The following COL9A3 variants were observed in gnomAD, a reference collection of about 807,000 sequenced individuals.
COL9A3 encodes collagen type IX alpha 3 chain.
Under a neutral mutation model 110.2 loss-of-function variants are expected in COL9A3, and 82 were observed. The ratio of observed to expected loss-of-function variants is 0.74; its 90% CI spans 0.62 to 0.89. The LOEUF is 0.89. COL9A3 is among the 40% of genes least tolerant of loss of function. The pLI is 0.00. For missense variants in COL9A3, 1,066 were observed against 981.3 expected (o/e 1.09, Z -1.15); for synonymous variants, 494 against 403.8 (o/e 1.22, Z -2.68).
rs769746194 is a variant in COL9A3, at chr20:62,829,753, C to T, written c.1108-13C>T. 1 of 1,591,886 alleles carries T rather than the reference C, an allele frequency of 6.3e-7. No homozygotes were observed. The highest frequency in any genetic ancestry group is 1.1e-5 in the South Asian group (1 of 87,678). ...CAGACCCTGCCCTGACACCCTCCTT[C>T]CTTTCCCTGTAGGGAGATGCTGGCA... On this transcript the variant is annotated splice_polypyrimidine_tract_variant and intron_variant, in intron 21 of 31. Transcript: ENST00000649368.
At chr20:62,832,755 T>G in intron 25 of COL9A3, 1 of 275,034 alleles carries the variant, frequency 3.6e-6, no homozygotes, top group Non-Finnish European at 5.8e-6. Context: ...CCTGCAGCCA[T>G]CGAACCCCCA....
In COL9A3 at chr20:62,818,010, C is replaced by T. The variant is rs1990991764; in HGVS notation, c.147+375C>T. On this transcript the variant is annotated intron_variant, in intron 2 of 31. Coordinates refer to ENST00000649368, the MANE Select transcript of COL9A3 (RefSeq NM_001853.4). ...GAGGCTGCTGGGCTCTGGAGCCAGC[C>T]ATGGAGGGGGCTTAGGAGCCGACTC... 5 of 366,902 alleles carry T rather than the reference C, an allele frequency of 1.4e-5. 1 individual carries two copies. Among genetic ancestry groups the T allele is most frequent in the African/African-American group, 1.0e-4 (5 of 47,992 alleles). 22.7% of individuals were successfully genotyped at this position (366,902 alleles called of 1,614,324 possible).
intron 14 of COL9A3, among the ~76,000 whole-genome samples, chr20:62,826,474 G>GACA (rs2063553828): frequency 6.6e-6 from 1 of 152,128 alleles, no homozygotes; most frequent in Non-Finnish European, 1.5e-5. Context: ...GCCCGCACGC[G>GACA]GTCCCAGGCT....
At chr20:62,830,622 AC>A (rs1797775758) in intron 24 of COL9A3, 34 bp downstream of exon 24, 1 of 1,399,964 alleles carries the variant, frequency 7.1e-7, no homozygotes, top group Non-Finnish European at 9.5e-7. Context: ...GCTCCCCTGC[AC>A]CCCCTCTACC....
At chr20:62,821,963 A>G in intron 8 of COL9A3, 148 bp from the exon 9 acceptor site, 1 of 760,460 alleles carries the variant, frequency 1.3e-6, no homozygotes, top group East Asian at 2.6e-5. Flanking sequence ...CCAATGATCC[A>G]GACCCGACCT....
At chr20:62,819,039 G>A (rs1037908187) in intron 3 of COL9A3, among the ~76,000 whole-genome samples, 183 bp from the exon 4 acceptor site, 2 of 152,232 alleles carry the variant, frequency 1.3e-5, no homozygotes, top group Non-Finnish European at 2.9e-5. Context: ...GCAAGGTGTG[G>A]GCAAGCAGGA....
At chr20:62,821,421 A>G (rs2147200076) in intron 6 of COL9A3, 86 bp from the exon 7 acceptor site, 1 of 1,573,124 alleles carries the variant, frequency 6.4e-7, no homozygotes, top group Admixed American at 1.7e-5. Flanking sequence ...CCCTTTCCCC[A>G]GGACCCACCT....
At chr20:62,830,445 G>GA in intron 23 of COL9A3, 32 bp downstream of exon 23, 1 of 1,577,796 alleles carries the variant, frequency 6.3e-7, no homozygotes. Flanking sequence ...GCCTGGCATG[G>GA]GGGGCGGCAC....
intron 26 of COL9A3, among the ~76,000 whole-genome samples, chr20:62,835,079 G>T (rs1488343285): frequency 6.6e-6 from 1 of 152,234 alleles, no homozygotes; most frequent in Non-Finnish European, 1.5e-5. Context: ...TCAGCTACTC[G>T]CACGGTCGGG....
intron 26 of COL9A3, among the ~76,000 whole-genome samples, chr20:62,835,206 A>G (rs952145819): frequency 6.6e-6 from 1 of 152,250 alleles, no homozygotes; most frequent in African/African-American, 2.4e-5. Flanking sequence ...CTGTAACAGA[A>G]CACCGCAGCT....
chr20:62,840,054 G>A (rs543679965), intron 31 of COL9A3, among the ~76,000 whole-genome samples: 151 of 151,786 alleles, frequency 9.9e-4, no homozygotes, highest in Middle Eastern at 3.4e-3. Context: ...CACCATGCCC[G>A]CACCATGCCC....
chr20:62,836,909 G>A (rs548915326), intron 29 of COL9A3, 174 bp from the exon 30 acceptor site: 2 of 899,140 alleles, frequency 2.2e-6, no homozygotes, highest in East Asian at 2.4e-5. Flanking sequence ...AAGGGGTTGG[G>A]GGTCCTTTCT....
intron 10 of COL9A3, among the ~76,000 whole-genome samples, chr20:62,824,074 C>T (rs536581697): frequency 2.2e-5 from 3 of 137,922 alleles, no homozygotes; most frequent in Admixed American, 7.3e-5. Flanking sequence ...TCCCGACACC[C>T]GCGCGGAGTG....
At chr20:62,818,405 T>G (rs747611972) in intron 2 of COL9A3, 113 bp from the exon 3 acceptor site, 16 of 1,043,420 alleles carry the variant, frequency 1.5e-5, no homozygotes, top group Non-Finnish European at 2.4e-5. Context: ...TTTTGTCTGC[T>G]GGGGCTGGGC....
At chr20:62,823,967 C>T (rs571662168) in intron 10 of COL9A3, among the ~76,000 whole-genome samples, 48 of 151,826 alleles carry the variant, frequency 3.2e-4, no homozygotes, top group Admixed American at 1.4e-3. Context: ...ATCACCTGTA[C>T]GGAGTGGCCT....
rs763272362 is a variant in COL9A3, at chr20:62,837,076, C to T, written c.1604-7C>T. On this transcript the variant is annotated splice_region_variant and splice_polypyrimidine_tract_variant and intron_variant, in intron 29 of 31. Transcript: ENST00000649368. Reference sequence around the variant, plus strand: ...GAGTAAACGCCTGCACCCTTGTTTTCCCAAAGAACAAATTGCACAGTTAGC... The same window carrying T: ...GAGTAAACGCCTGCACCCTTGTTTTTCCAAAGAACAAATTGCACAGTTAGC... 2 of 1,612,830 alleles carry T rather than the reference C, an allele frequency of 1.2e-6. No individual in the cohort carries two copies. The highest frequency in any genetic ancestry group is 1.7e-6 in the Non-Finnish European group (2 of 1,180,020).
chr20:62,824,333 G>T, intron 10 of COL9A3, 112 bp from the exon 11 acceptor site: 4 of 1,142,598 alleles, frequency 3.5e-6, no homozygotes, highest in Non-Finnish European at 5.1e-6. Flanking sequence ...GGCCTCCCGG[G>T]GTCCCGTCAC....
At chr20:62,830,644 AG>A in intron 24 of COL9A3, 56 bp downstream of exon 24, 1 of 854,610 alleles carries the variant, frequency 1.2e-6, no homozygotes, top group Non-Finnish European at 1.7e-6. Context: ...CATGTACCAC[AG>A]TCCCCCACCC....
At position 62,826,328 on chromosome 20, in the gene COL9A3, C is replaced by G. The variant is rs797019380; in HGVS notation, c.738+71C>G. ...CCTGGTTGTCTGCACCTCCAGACTT[C>G]AGATGGGCCCCGTGAGTGACACTCT... On this transcript the variant is annotated intron_variant, in intron 14 of 31. Transcript: ENST00000649368. 4 of 1,377,490 alleles carry G rather than the reference C, an allele frequency of 2.9e-6. No individual in the cohort carries two copies. The East Asian group carries it at 1.0e-4, about 34-fold the overall frequency. 85.3% of individuals were successfully genotyped at this position (1,377,490 alleles called of 1,614,324 possible). A position where few individuals can be genotyped will look rare whatever the true frequency, so the allele number is the denominator to read the frequency against.
Sources: gnomAD v4.1 joint callset for allele counts (sites outside exome capture counted in the v4.1 genomes callset) on GRCh38, gnomAD v4.1.1 for gene constraint, MANE v1.5 for transcripts, NCBI Gene and HGNC (gene_info 2026-07-23, HGNC 2026-07-21) for gene names.